The following CBFA2T2 variants were observed in gnomAD, a reference collection of about 807,000 sequenced individuals.
CBFA2T2 encodes the protein protein CBFA2T2.
Under a neutral mutation model 62.2 loss-of-function variants are expected in CBFA2T2, and 11 were observed. The observed-to-expected ratio is 0.18, with a 90% CI of 0.11 to 0.29. The LOEUF is 0.29. CBFA2T2 is among the 10% of genes least tolerant of loss of function. The pLI is 1.00. For missense variants in CBFA2T2, 592 were observed against 774.1 expected, an observed-to-expected ratio of 0.76 and a Z score of 2.79; for synonymous variants, 295 against 287.5, an observed-to-expected ratio of 1.03 and a Z score of -0.27.
At chr20:33,590,587 A>T (rs558061033) in intron 1 of CBFA2T2, among the ~76,000 whole-genome samples, 1 of 152,304 alleles carries the variant, frequency 6.6e-6, no homozygotes, top group South Asian at 2.1e-4. Flanking sequence ...CTTCTCATTT[A>T]TCTGGCAGTG....
intron 1 of CBFA2T2, among the ~76,000 whole-genome samples, chr20:33,491,219 C>G (rs1309731489): frequency 6.6e-6 from 1 of 152,098 alleles, no homozygotes; most frequent in Non-Finnish European, 1.5e-5. Context: ...ATTTTGCATT[C>G]TATTCACTTA....
At chr20:33,537,450 T>C (rs1175765461) in intron 1 of CBFA2T2, among the ~76,000 whole-genome samples, 1 of 152,130 alleles carries the variant, frequency 6.6e-6, no homozygotes, top group Non-Finnish European at 1.5e-5. Flanking sequence ...CAGTCCAGCT[T>C]CGGCTGGGCA....
chr20:33,579,252 G>A (rs946806374), intron 1 of CBFA2T2, among the ~76,000 whole-genome samples: 1 of 151,122 alleles, frequency 6.6e-6, no homozygotes, highest in Admixed American at 6.6e-5. Flanking sequence ...TTAAAATTTA[G>A]CGATGGGGTC....
chr20:33,527,412 G>A (rs1207620886), intron 1 of CBFA2T2, among the ~76,000 whole-genome samples: 8 of 133,770 alleles, frequency 6.0e-5, no homozygotes, highest in African/African-American at 1.7e-4. Flanking sequence ...TTGTTCTGTC[G>A]CCCGGGTTGG....
intron 1 of CBFA2T2, among the ~76,000 whole-genome samples, chr20:33,536,124 C>G (rs1043502649): frequency 1.3e-5 from 2 of 152,260 alleles, no homozygotes; most frequent in African/African-American, 4.8e-5. Flanking sequence ...CCACCTTTCC[C>G]CCCTTTCTAT....
intron 1 of CBFA2T2, among the ~76,000 whole-genome samples, chr20:33,599,588 C>CT (rs1207752005): frequency 0.03 from 4,256 of 141,334 alleles, 175 homozygotes; most frequent in African/African-American, 0.096. Flanking sequence ...GGTAATTTCC[C>CT]TTTTTTTTTT....
chr20:33,605,347 A>G (rs1043078939), intron 1 of CBFA2T2, among the ~76,000 whole-genome samples: 1 of 152,188 alleles, frequency 6.6e-6, no homozygotes, highest in African/African-American at 2.4e-5. Flanking sequence ...TTCAGCAGTT[A>G]TTGGAGAATG....
chr20:33,518,496 C>T (rs1344333366), intron 1 of CBFA2T2, among the ~76,000 whole-genome samples: 2 of 151,830 alleles, frequency 1.3e-5, no homozygotes, highest in Non-Finnish European at 2.9e-5. Flanking sequence ...GGCACGGTGG[C>T]TCACTCCTGT....
intron 1 of CBFA2T2, among the ~76,000 whole-genome samples, chr20:33,493,342 C>T (rs1370530776): frequency 6.6e-6 from 1 of 152,128 alleles, no homozygotes; most frequent in African/African-American, 2.4e-5. Flanking sequence ...TCCCAAAATG[C>T]TGGGATTACA....
At chr20:33,505,658 G>A (rs540100302) in intron 1 of CBFA2T2, among the ~76,000 whole-genome samples, 1 of 152,210 alleles carries the variant, frequency 6.6e-6, no homozygotes, top group Admixed American at 6.5e-5. Flanking sequence ...GTGCATGCCT[G>A]TAATCCCAGC....
chr20:33,494,269 ATATATTTTTTTTT>A (rs1163407083), intron 1 of CBFA2T2, among the ~76,000 whole-genome samples: 3,295 of 29,118 alleles, frequency 0.11, 35 homozygotes, highest in Non-Finnish European at 0.17. Flanking sequence ...ATATATATAT[ATATATTTTTTTTT>A]TTTTTTTTTT....
chr20:33,617,666 C>T (rs977231081), intron 3 of CBFA2T2, among the ~76,000 whole-genome samples: 47 of 152,170 alleles, frequency 3.1e-4, no homozygotes, highest in Admixed American at 3.1e-3. Context: ...GTGTCATTCT[C>T]TTACACTTAG....
chr20:33,605,646 C>T (rs1208985735), intron 1 of CBFA2T2, among the ~76,000 whole-genome samples: 1 of 152,084 alleles, frequency 6.6e-6, no homozygotes, highest in Admixed American at 6.6e-5. Context: ...ATTAATTGTT[C>T]CCATAGATGA....
At position 33,575,838 on chromosome 20, in the gene CBFA2T2, C is replaced by T. The variant is rs1351818719; in HGVS notation, c.35-31118C>T. ...TGTCGCCCAGGCTGGAGTGCAGTGG[C>T]GCGATCTCAGCTCACTGCAAGCTCC... On this transcript the variant is annotated intron_variant, in intron 1 of 10. Coordinates refer to ENST00000342704, the MANE Select transcript of CBFA2T2 (RefSeq NM_001032999.3). Among the ~76,000 whole-genome samples, 6 of 151,984 alleles carry T rather than the reference C, an allele frequency of 3.9e-5. No homozygotes were observed. The East Asian group carries it at 7.7e-4, about 20-fold the overall frequency.
intron 1 of CBFA2T2, among the ~76,000 whole-genome samples, chr20:33,579,514 T>C (rs1274288166): frequency 6.6e-6 from 1 of 152,084 alleles, no homozygotes; most frequent in African/African-American, 2.4e-5. Flanking sequence ...TTTGTAGAAA[T>C]TTTATGGTCC....
At chr20:33,508,424 G>T (rs900408137) in intron 1 of CBFA2T2, among the ~76,000 whole-genome samples, 6 of 151,868 alleles carry the variant, frequency 4.0e-5, no homozygotes, top group South Asian at 4.2e-4. Flanking sequence ...GTATTTTTTT[G>T]TTTGTTTGTT....
In CBFA2T2 at chr20:33,497,254, CAA is replaced by C. The variant is rs527539824; in HGVS notation, c.34+6954_34+6955del. On this transcript the variant is annotated intron_variant, in intron 1 of 10. Transcript: ENST00000342704. ...CGCCATTGCACTCCAGCCTGGGTGA[CAA>C]GAGCGAAACCCTGTCTCCAAAAAAA... Among the ~76,000 whole-genome samples, 669 of 100,662 alleles carry C rather than the reference CAA, an allele frequency of 6.6e-3. 4 individuals carry two copies. Among genetic ancestry groups the C allele is most frequent in the Admixed American group, 0.011 (66 of 6,242 alleles). The allele number at this position is 100,662 out of a possible 152,430, so 66.0% of individuals were successfully genotyped here. A position where few individuals can be genotyped will look rare whatever the true frequency, so the allele number is the denominator to read the frequency against.
chr20:33,631,922 T>C (rs139018417), intron 8 of CBFA2T2, among the ~76,000 whole-genome samples: 19 of 152,354 alleles, frequency 1.2e-4, no homozygotes, highest in Admixed American at 3.9e-4. Flanking sequence ...AAATGTACTA[T>C]GCAAAATGTG....
chr20:33,549,170 C>T (rs1022883334), intron 1 of CBFA2T2, among the ~76,000 whole-genome samples: 2 of 151,822 alleles, frequency 1.3e-5, no homozygotes, highest in Admixed American at 6.6e-5. Flanking sequence ...TCAGAATAAT[C>T]GAAAAATTAT....
Sources: gnomAD v4.1 joint callset for allele counts (sites outside exome capture counted in the v4.1 genomes callset) on GRCh38, gnomAD v4.1.1 for gene constraint, MANE v1.5 for transcripts, NCBI Gene and HGNC (gene_info 2026-07-23, HGNC 2026-07-21) for gene names.